The following ERC2 variants were observed in gnomAD, a reference collection of about 807,000 sequenced individuals.
ERC2 encodes ELKS/RAB6-interacting/CAST family member 2, also known as ERC protein 2.
A neutral mutation model predicts 114.8 loss-of-function variants in ERC2; 42 were observed. That is an observed-to-expected ratio of 0.37 (90% CI 0.29 to 0.47). The LOEUF (loss-of-function observed/expected upper bound fraction) is 0.47. Ranked by LOEUF, ERC2 falls within the 20% of genes least tolerant of loss-of-function variation. The probability of loss-of-function intolerance (pLI) is 0.99; values close to 1 mark genes in which losing one functional copy is unlikely to be tolerated. For synonymous variants in ERC2, 454 were observed against 425.5 expected (o/e 1.07, Z -0.82); for missense variants, 939 against 1,150.7 (o/e 0.82, Z 2.66).
At chr3:55,537,331 C>T (rs1050458025) in intron 17 of ERC2, among the ~76,000 whole-genome samples, 4 of 152,180 alleles carry the variant, frequency 2.6e-5, no homozygotes, top group African/African-American at 9.7e-5. Flanking sequence ...TGGTTTCCCC[C>T]CCTGAAGTGA....
At chr3:56,227,458 G>T (rs1368573876) in intron 3 of ERC2, among the ~76,000 whole-genome samples, 1 of 150,942 alleles carries the variant, frequency 6.6e-6, no homozygotes, top group Non-Finnish European at 1.5e-5. Context: ...AGCATGTGAA[G>T]GTCCCTCCCT....
chr3:56,281,486 C>A (rs2054345736), intron 3 of ERC2, among the ~76,000 whole-genome samples: 2 of 143,880 alleles, frequency 1.4e-5, no homozygotes, highest in African/African-American at 2.6e-5. Flanking sequence ...TCTCTGCTTA[C>A]AATTTGTGCA....
chr3:55,755,611 C>T (rs1437199379), intron 14 of ERC2, among the ~76,000 whole-genome samples: 1 of 152,156 alleles, frequency 6.6e-6, no homozygotes, highest in Admixed American at 6.5e-5. Context: ...TACTTCAGTT[C>T]TCAGGTTGTA....
At chr3:55,644,085 C>T (rs1441296234) in intron 17 of ERC2, among the ~76,000 whole-genome samples, 1 of 152,128 alleles carries the variant, frequency 6.6e-6, no homozygotes, top group Non-Finnish European at 1.5e-5. Flanking sequence ...GCTCTATCCG[C>T]AGGCCCAGTG....
chr3:55,521,285 G>C (rs535761746), intron 17 of ERC2, among the ~76,000 whole-genome samples: 1 of 152,220 alleles, frequency 6.6e-6, no homozygotes, highest in African/African-American at 2.4e-5. Flanking sequence ...TTAGGCCAGA[G>C]CAAGTGTGGG....
chr3:55,799,022 G>A (rs1575632481), intron 14 of ERC2, among the ~76,000 whole-genome samples: 2 of 152,204 alleles, frequency 1.3e-5, no homozygotes, highest in East Asian at 3.9e-4. Flanking sequence ...ACGTAAGAGG[G>A]TGGTACACAG....
intron 14 of ERC2, among the ~76,000 whole-genome samples, chr3:55,828,184 T>C (rs910437755): frequency 1.3e-5 from 2 of 152,246 alleles, no homozygotes; most frequent in African/African-American, 4.8e-5. Flanking sequence ...GCCCTGAGAC[T>C]TCCATTGCTG....
rs751498767 is a variant in ERC2 at position 56,232,126 on chromosome 3, A to G, written c.1075-58606T>C. 3.5e-3 allele frequency among the ~76,000 whole-genome samples: 429 copies of G among 122,370 alleles called. 2 individuals carry two copies. The highest frequency in any genetic ancestry group is 3.9e-3 in the Non-Finnish European group (228 of 58,552). The allele number at this position is 122,370 out of a possible 152,430, so 80.3% of individuals were successfully genotyped here. On this transcript the variant is annotated intron_variant, in intron 3 of 17. Transcript: ENST00000288221. ...GCTGGGACTACAGGCATGCACCACC[A>G]CTCCTGGCTTTTTTTTTTTTTTTTT...
chr3:55,776,382 A>G (rs1575568701), intron 14 of ERC2, among the ~76,000 whole-genome samples: 3 of 152,130 alleles, frequency 2.0e-5, no homozygotes, highest in African/African-American at 7.2e-5. Context: ...TAGGTACATA[A>G]TGTGACTAAG....
At chr3:55,548,374 G>A (rs866564012) in intron 17 of ERC2, among the ~76,000 whole-genome samples, 7 of 152,382 alleles carry the variant, frequency 4.6e-5, no homozygotes, top group Middle Eastern at 6.8e-3. Flanking sequence ...TATTTGGTCA[G>A]TTGTTACAGG....
At chr3:56,065,615 C>T (rs573573166) in intron 7 of ERC2, among the ~76,000 whole-genome samples, 39 of 151,836 alleles carry the variant, frequency 2.6e-4, no homozygotes, top group Middle Eastern at 6.8e-3. Flanking sequence ...CACGGTGGTT[C>T]GCTGCACCTA....
At chr3:56,278,266 A>T (rs1256394949) in intron 3 of ERC2, among the ~76,000 whole-genome samples, 1 of 152,228 alleles carries the variant, frequency 6.6e-6, no homozygotes, top group East Asian at 1.9e-4. Flanking sequence ...TCTGTGTTCC[A>T]ATCCCCTGAG....
At chr3:55,750,844 T>C (rs2066655511) in intron 14 of ERC2, among the ~76,000 whole-genome samples, 1 of 152,356 alleles carries the variant, frequency 6.6e-6, no homozygotes, top group Admixed American at 6.5e-5. Flanking sequence ...CACATGAGGA[T>C]GTAGGAACAT....
At chr3:55,953,947 T>C (rs1373688653) in intron 12 of ERC2, among the ~76,000 whole-genome samples, 1 of 152,024 alleles carries the variant, frequency 6.6e-6, no homozygotes, top group East Asian at 1.9e-4. Flanking sequence ...GTCTCCACAA[T>C]CTAGAAGGTA....
intron 14 of ERC2, among the ~76,000 whole-genome samples, chr3:55,797,329 A>C (rs182300283): frequency 6.6e-6 from 1 of 152,200 alleles, no homozygotes; most frequent in Non-Finnish European, 1.5e-5. Context: ...GAGCACAAAC[A>C]CCATGGTCAT....
At chr3:56,221,163 A>ATT (rs1283615158) in intron 3 of ERC2, among the ~76,000 whole-genome samples, 1 of 151,810 alleles carries the variant, frequency 6.6e-6, no homozygotes, top group Non-Finnish European at 1.5e-5. Flanking sequence ...AAAATTGAAA[A>ATT]TTTTCAAATT....
chr3:56,079,969 C>T (rs1246634256), intron 7 of ERC2, among the ~76,000 whole-genome samples: 1 of 152,146 alleles, frequency 6.6e-6, no homozygotes, highest in African/African-American at 2.4e-5. Context: ...TGACAACATG[C>T]CTGTGGATGG....
intron 2 of ERC2, among the ~76,000 whole-genome samples, chr3:56,331,506 T>C (rs1329599755): frequency 1.3e-5 from 2 of 152,206 alleles, no homozygotes; most frequent in African/African-American, 2.4e-5. Context: ...TATTTTTTTT[T>C]CTTTAACACA....
At chr3:55,663,994 C>CA (rs1364475467) in intron 17 of ERC2, among the ~76,000 whole-genome samples, 1 of 152,202 alleles carries the variant, frequency 6.6e-6, no homozygotes, top group African/African-American at 2.4e-5. Flanking sequence ...GCCACTAACT[C>CA]AGCCTTATAC....
Sources: allele counts gnomAD v4.1 joint callset (sites outside exome capture counted in the v4.1 genomes callset), GRCh38; gene constraint gnomAD v4.1.1; transcripts MANE v1.5; gene names NCBI Gene and HGNC (gene_info 2026-07-23, HGNC 2026-07-21).